TSBP1: variants seen among roughly 807,000 people sequenced by gnomAD.
The protein encoded by TSBP1 is testis-expressed basic protein 1.
In TSBP1, 56 loss-of-function variants were observed where a neutral mutation model predicts 68.8. The observed-to-expected ratio is 0.81, with a 90% CI of 0.66 to 1.02. The LOEUF is 1.02. Among genes scored for constraint, TSBP1 ranks in the 50% least tolerant of loss-of-function variants. The pLI, the probability that TSBP1 is intolerant of heterozygous loss-of-function variation, is 0.00. For missense variants in TSBP1, 502 were observed against 641.2 expected (o/e 0.78, Z 2.34); for synonymous variants, 171 against 208.7 (o/e 0.82, Z 1.56).
At position 32,353,881 on chromosome 6, in the gene TSBP1, T is replaced by G. The variant is rs143419197; in HGVS notation, c.259+1243A>C. On this transcript the variant is annotated intron_variant, in intron 8 of 22. Transcript: ENST00000612031. ...AAGGAAAATTAGATCTCACCTGTAT[T>G]ATTACTAAAATCACTCACCAAAACC... Among the ~76,000 whole-genome samples, 54 of 152,090 alleles carry G rather than the reference T, an allele frequency of 3.6e-4. No homozygotes were observed. The East Asian group carries it at 9.6e-3, about 27-fold the overall frequency.
chr6:32,367,426 C>T (rs954696529), intron 4 of TSBP1, among the ~76,000 whole-genome samples: 7 of 151,992 alleles, frequency 4.6e-5, no homozygotes, highest in Non-Finnish European at 8.8e-5. Context: ...AGCGCATTGC[C>T]GTCTTCTCAT....
chr6:32,337,843 G>A lies in TSBP1; in HGVS notation c.409+1136C>T, dbSNP rs1769854044. Among the ~76,000 whole-genome samples the A allele has an allele frequency of 6.6e-6, 1 of 152,134 alleles. No homozygotes were observed. Among genetic ancestry groups the A allele is most frequent in the Admixed American group, 6.5e-5 (1 of 15,270 alleles). On this transcript the variant is annotated intron_variant, in intron 11 of 22. Coordinates refer to ENST00000612031, the Ensembl canonical transcript of TSBP1. This position sits in a 1 kb window ranked among gnomAD's most constrained non-coding sequence, Gnocchi z 5.5. The stretch of plus-strand genomic sequence containing the variant: ...TACCCAGTATTTGCTCTCAAAGTTT[G>A]ACTTGATTATTTTAATAATGTTCCA...
Position 32,306,290 on chromosome 6 carries a change from G to A in TSBP1, c.581-3661C>T, listed in dbSNP as rs9268175. Among the ~76,000 whole-genome samples the A allele has an allele frequency of 0.21, 32,027 of 152,028 alleles. 3,560 individuals carry two copies. The highest frequency in any genetic ancestry group is 0.22 in the East Asian group (1,154 of 5,172). On this transcript the variant is annotated intron_variant, in intron 19 of 22. Coordinates refer to ENST00000612031, the Ensembl canonical transcript of TSBP1. The surrounding 1 kb of genome is among the most constrained non-coding windows in gnomAD (Gnocchi z 5.1). ...TTGTGACCTGACCAAGGACAAAGAC[G>A]TTCCCAACCTCCTCTGACTCTTGCT...
Position 32,343,244 on chromosome 6 carries a change from A to T in TSBP1, c.350-3606T>A. On this transcript the variant is annotated intron_variant, in intron 9 of 22. Transcript: ENST00000612031. The surrounding 1 kb of genome is among the most constrained non-coding windows in gnomAD (Gnocchi z 4.3). ...AACAAGAAGATAAACTTACTCATGG[A>T]TCCTTGAGGTAAAGCTAAAGAACAA... is the stretch of plus-strand genomic sequence containing the variant. 1 of 1,413,286 alleles carries T rather than the reference A, an allele frequency of 7.1e-7. No individual in the cohort carries two copies. The highest frequency in any genetic ancestry group is 9.3e-7 in the Non-Finnish European group (1 of 1,077,082). The allele number at this position is 1,413,286 out of a possible 1,614,324, so 87.5% of individuals were successfully genotyped here.
intron 9 of TSBP1, among the ~76,000 whole-genome samples, chr6:32,347,883 C>T (rs1307906022): frequency 1.3e-5 from 2 of 152,174 alleles, no homozygotes; most frequent in South Asian, 2.1e-4. Context: ...GCCAGCTTTT[C>T]GCCATTCAGA....
intron 15 of TSBP1, among the ~76,000 whole-genome samples, chr6:32,331,367 G>A (rs1357914325): frequency 6.6e-6 from 1 of 152,078 alleles, no homozygotes; most frequent in Non-Finnish European, 1.5e-5. Context: ...TTAGAACAAT[G>A]CCTATCTATT....
chr6:32,327,642 A>C (rs9268247), intron 16 of TSBP1, among the ~76,000 whole-genome samples: 137,292 of 150,454 alleles, frequency 0.91, 62,887 homozygotes, highest in East Asian at 1. Context: ...TTGTCAGTCT[A>C]ATTTTCTTTT....
At chr6:32,329,581 CTCTACACATT>C (rs1478712983) in intron 16 of TSBP1, among the ~76,000 whole-genome samples, 8 of 152,102 alleles carry the variant, frequency 5.3e-5, no homozygotes, top group Admixed American at 4.6e-4. Context: ...GCTGCCTGCC[CTCTACACATT>C]TTGGGTTTGT....
intron 6 of TSBP1, among the ~76,000 whole-genome samples, chr6:32,356,149 C>A (rs1772300727): frequency 6.6e-6 from 1 of 152,132 alleles, no homozygotes; most frequent in Non-Finnish European, 1.5e-5. Context: ...ACATGGAAAA[C>A]TAGTCATGTT....
chr6:32,350,610 C>T (rs566339401), intron 8 of TSBP1, among the ~76,000 whole-genome samples: 9 of 152,240 alleles, frequency 5.9e-5, no homozygotes, highest in Admixed American at 5.2e-4. Flanking sequence ...AGGCCATAGG[C>T]CTCATGCATT....
In TSBP1 at chr6:32,314,224, A is replaced by C. The variant is rs1358069050; in HGVS notation, c.580+1548T>G. On this transcript the variant is annotated intron_variant, in intron 19 of 22. Transcript: ENST00000612031. This position sits in a 1 kb window ranked among gnomAD's most constrained non-coding sequence, Gnocchi z 4.2. ...ATTTCCAGCCAAGACTTAGCCAGCC[A>C]AAAATGAGGTGTTATAAACCCTAGT... 6.6e-6 allele frequency among the ~76,000 whole-genome samples: 1 copy of C among 152,210 alleles called. No homozygotes were observed. The highest frequency in any genetic ancestry group is 2.4e-5 in the African/African-American group (1 of 41,448).
At chr6:32,355,086 A>T (rs1298821675) in intron 8 of TSBP1, 38 bp downstream of exon 8, 1 of 1,593,438 alleles carries the variant, frequency 6.3e-7, no homozygotes, top group Non-Finnish European at 8.6e-7. Context: ...TGCAAACCAG[A>T]TGACAGTAGA....
intron 7 of TSBP1, 52 bp from the exon 8 acceptor site, chr6:32,355,196 TA>T: frequency 6.3e-7 from 1 of 1,583,104 alleles, no homozygotes; most frequent in Non-Finnish European, 8.7e-7. Flanking sequence ...TTTGGATCCC[TA>T]ATCTTTACAT....
chr6:32,301,335 G>A (rs1765267187), intron 20 of TSBP1, among the ~76,000 whole-genome samples: 2 of 152,030 alleles, frequency 1.3e-5, no homozygotes, highest in South Asian at 2.1e-4. Flanking sequence ...GGCCTGGTAC[G>A]AAATATTTAA....
intron 6 of TSBP1, among the ~76,000 whole-genome samples, chr6:32,363,458 G>T (rs1773295419): frequency 6.7e-6 from 1 of 150,120 alleles, no homozygotes. Flanking sequence ...CTTTCTTCCT[G>T]TCTTTCTTTG....
intron 16 of TSBP1, among the ~76,000 whole-genome samples, chr6:32,327,966 T>TA (rs57484063): frequency 5.9e-4 from 74 of 126,154 alleles, no homozygotes; most frequent in East Asian, 1.4e-3. Flanking sequence ...TTATTATTAT[T>TA]TTTTTTTTTT....
In TSBP1 at chr6:32,316,458, A is replaced by AGCTT; in HGVS notation, c.560-667_560-666insAAGC. ...AGTGAAGATTTGTTTGAAAGGAGCAAGTTTCCTTCTAGGGAGAGATATTTG... is the reference window on the plus strand; with the variant it reads ...AGTGAAGATTTGTTTGAAAGGAGCAAGCTTGTTTCCTTCTAGGGAGAGATATTTG... On this transcript the variant is annotated intron_variant, in intron 18 of 22. Transcript: ENST00000612031. This position sits in a 1 kb window ranked among gnomAD's most constrained non-coding sequence, Gnocchi z 4.5. 6.6e-7 allele frequency: 1 copy of AGCTT among 1,523,458 alleles called. No homozygotes were observed. Among genetic ancestry groups the AGCTT allele is most frequent in the Non-Finnish European group, 8.9e-7 (1 of 1,123,182 alleles). 94.4% of individuals were successfully genotyped at this position (1,523,458 alleles called of 1,614,324 possible).
intron 18 of TSBP1, among the ~76,000 whole-genome samples, chr6:32,322,915 A>C (rs1767790032): frequency 7.3e-6 from 1 of 136,260 alleles, no homozygotes; most frequent in Non-Finnish European, 1.7e-5. Flanking sequence ...AATTCCTCCT[A>C]CTTGTTATTT....
At chr6:32,362,567 G>T (rs977622668) in intron 6 of TSBP1, among the ~76,000 whole-genome samples, 3 of 152,172 alleles carry the variant, frequency 2.0e-5, no homozygotes, top group Non-Finnish European at 4.4e-5. Context: ...TCAGATATAT[G>T]GTTTGCAAAT....
Sources: allele counts gnomAD v4.1 joint callset (sites outside exome capture counted in the v4.1 genomes callset), GRCh38; gene constraint gnomAD v4.1.1; non-coding constraint Gnocchi (gnomAD v3.1); transcripts MANE v1.5; gene names NCBI Gene and HGNC (gene_info 2026-07-23, HGNC 2026-07-21).